Variants in DDX60 observed in about 807,000 individuals in gnomAD.
DDX60 encodes the protein DExD/H-box helicase 60.
In DDX60, 165 loss-of-function variants were observed where a neutral mutation model predicts 212.8. That is an observed-to-expected ratio of 0.78 (90% CI 0.68 to 0.88). The LOEUF (loss-of-function observed/expected upper bound fraction) is 0.88, where lower values mean the gene tolerates loss of function less well. Ranked by LOEUF, DDX60 falls within the 40% of genes least tolerant of loss-of-function variation. The pLI is 0.00. For synonymous variants in DDX60, 703 were observed against 685.3 expected, an observed-to-expected ratio of 1.03 and a Z score of -0.40; for missense variants, 1,905 against 2,003.9, an observed-to-expected ratio of 0.95 and a Z score of 0.94.
At chr4:168,299,415 A>C (rs1399615973) in intron 6 of DDX60, among the ~76,000 whole-genome samples, 1 of 151,996 alleles carries the variant, frequency 6.6e-6, no homozygotes, top group Non-Finnish European at 1.5e-5. Flanking sequence ...CAGCCCCCCC[A>C]AAAATCTAAA....
At chr4:168,300,614 G>C (rs2149544677) in intron 6 of DDX60, among the ~76,000 whole-genome samples, 1 of 149,998 alleles carries the variant, frequency 6.7e-6, no homozygotes, top group Non-Finnish European at 1.5e-5. Flanking sequence ...GTGTGTAGTG[G>C]AAGTGTTTCC....
intron 4 of DDX60, among the ~76,000 whole-genome samples, chr4:168,307,154 G>T (rs1467813925): frequency 2.0e-5 from 3 of 152,008 alleles, no homozygotes; most frequent in Non-Finnish European, 4.4e-5. Context: ...ACAAAATTGG[G>T]GCAACCAACT....
intron 19 of DDX60, among the ~76,000 whole-genome samples, chr4:168,270,020 T>C (rs1304113548): frequency 1.3e-5 from 2 of 152,184 alleles, no homozygotes; most frequent in Non-Finnish European, 2.9e-5. Flanking sequence ...CCCTTCACAG[T>C]TTGTACCAAC....
chr4:168,283,901 A>G (rs966556114), intron 12 of DDX60, among the ~76,000 whole-genome samples: 2 of 152,166 alleles, frequency 1.3e-5, no homozygotes, highest in Non-Finnish European at 2.9e-5. Context: ...AATTAGTTTA[A>G]GAAGAAGGTA....
chr4:168,284,770 C>T (rs754154812), intron 12 of DDX60, 50 bp downstream of exon 12: 15 of 898,514 alleles, frequency 1.7e-5, no homozygotes, highest in African/African-American at 5.1e-5. Context: ...AAATAAGAGG[C>T]AGAGAGTAAA....
chr4:168,318,078 A>T (rs1426877342), intron 1 of DDX60, among the ~76,000 whole-genome samples: 2 of 152,178 alleles, frequency 1.3e-5, no homozygotes, highest in Non-Finnish European at 2.9e-5. Flanking sequence ...AAGCCACTAT[A>T]CCTGCCCCTT....
At chr4:168,261,441 CAA>C (rs927717734) in intron 24 of DDX60, among the ~76,000 whole-genome samples, 1 of 150,820 alleles carries the variant, frequency 6.6e-6, no homozygotes, top group Admixed American at 6.6e-5. Flanking sequence ...GGTATTACAA[CAA>C]AAAAAAATCC....
chr4:168,271,960 T>C (rs1735118703), intron 19 of DDX60, 83 bp downstream of exon 19: 15 of 1,098,560 alleles, frequency 1.4e-5, no homozygotes, highest in Non-Finnish European at 2.0e-5. Context: ...TCCAAGGGGA[T>C]AGATGTCCTG....
At chr4:168,325,435 C>G in the DDX60 span, among the ~76,000 whole-genome samples, 2 of 152,102 alleles carry the variant, frequency 1.3e-5, no homozygotes, top group African/African-American at 4.8e-5. Flanking sequence ...GTAGTCATAA[C>G]TTCAGTATTA....
chr4:168,241,829 T>C (rs143203683), intron 30 of DDX60, among the ~76,000 whole-genome samples: 37 of 152,226 alleles, frequency 2.4e-4, no homozygotes, highest in Non-Finnish European at 4.6e-4. Context: ...AGCCAAACAT[T>C]AATCACCAAG....
rs143727851 is a variant in DDX60, at chr4:168,246,211, C to T, written c.4164+207G>A. 2.3e-3 allele frequency among the ~76,000 whole-genome samples: 344 copies of T among 152,290 alleles called. 1 individual carries two copies. The highest frequency in any genetic ancestry group is 7.4e-3 in the African/African-American group (307 of 41,566). ...GGGTAATTTTCAGTGCCCATCCAGC[C>T]ACAAATTCCATGTCTGATGGTGGAA... On this transcript the variant is annotated intron_variant, in intron 30 of 37. Coordinates refer to ENST00000393743, the MANE Select transcript of DDX60 (RefSeq NM_017631.6).
intron 27 of DDX60, among the ~76,000 whole-genome samples, chr4:168,251,618 G>C (rs2149505384): frequency 6.6e-6 from 1 of 152,312 alleles, no homozygotes; most frequent in Admixed American, 6.5e-5. Flanking sequence ...TATGAAGGAA[G>C]AGCGACAAAA....
intron 30 of DDX60, among the ~76,000 whole-genome samples, chr4:168,239,219 A>G (rs983334043): frequency 6.6e-6 from 1 of 152,150 alleles, no homozygotes; most frequent in African/African-American, 2.4e-5. Context: ...TATAGAGAAA[A>G]TATATAAAAA....
chr4:168,218,637 A>C (rs909777938), intron 37 of DDX60, among the ~76,000 whole-genome samples: 12 of 152,076 alleles, frequency 7.9e-5, no homozygotes, highest in Admixed American at 7.9e-4. Flanking sequence ...TAACATAAAG[A>C]CCTTTCCTGA....
Position 168,269,358 on chromosome 4 carries a change from G to A in DDX60, c.2671-389C>T, listed in dbSNP as rs974284705. On this transcript the variant is annotated intron_variant, in intron 19 of 37. Coordinates refer to ENST00000393743, the MANE Select transcript of DDX60 (RefSeq NM_017631.6). ...TCACGCCTGTAATCCCAGCACTTTG[G>A]GAGGCCGAGGAGGGCGGATCACGAG... Among the ~76,000 whole-genome samples, 13 of 152,184 alleles carry A rather than the reference G, an allele frequency of 8.5e-5. No individual in the cohort carries two copies. The East Asian group carries it at 2.5e-3, about 29-fold the overall frequency.
Position 168,280,539 on chromosome 4 carries a change from T to A in DDX60, c.1774A>T (p.Arg592Trp). Residue 592 changes from arginine (R) to tryptophan (W), a missense_variant, in exon 14 of 38, where the codon AGG becomes TGG. Coordinates refer to ENST00000393743, the MANE Select transcript of DDX60 (RefSeq NM_017631.6). ...ARENKKRLFAREEQKEEQKWN... is the reference protein window; with the variant it reads ...ARENKKRLFAWEEQKEEQKWN... ...TTTTGCTCTTCCTTTTGTTCTTCCC[T>A]GGCAAATAACCTTTTCTTATTCTCT... The A allele has an allele frequency of 7.4e-6, 12 of 1,614,060 alleles. No individual in the cohort carries two copies. Among genetic ancestry groups the A allele is most frequent in the Non-Finnish European group, 1.0e-5 (12 of 1,180,004 alleles).
intron 24 of DDX60, 104 bp from the exon 25 acceptor site, chr4:168,261,093 G>T (rs1350024807): frequency 7.8e-7 from 1 of 1,289,280 alleles, no homozygotes; most frequent in Non-Finnish European, 1.1e-6. Context: ...ATGTTTTTGG[G>T]TTTTTTTAAA....
chr4:168,220,838 A>G (rs1357718875), intron 36 of DDX60, 121 bp from the exon 37 acceptor site: 2 of 461,922 alleles, frequency 4.3e-6, no homozygotes, highest in Non-Finnish European at 7.4e-6. Context: ...CTCTTTCCAA[A>G]AATTATTTCT....
At chr4:168,304,068 CTT>C (rs1333886772) in intron 5 of DDX60, among the ~76,000 whole-genome samples, 1 of 152,214 alleles carries the variant, frequency 6.6e-6, no homozygotes, top group Non-Finnish European at 1.5e-5. Context: ...CTGCTACTGA[CTT>C]ATGACTTACT....
Sources: gnomAD v4.1 joint callset for allele counts (sites outside exome capture counted in the v4.1 genomes callset) on GRCh38, gnomAD v4.1.1 for gene constraint, MANE v1.5 for transcripts, NCBI Gene and HGNC (gene_info 2026-07-23, HGNC 2026-07-21) for gene names.